AFDN: variants seen among roughly 807,000 people sequenced by gnomAD.
The protein encoded by AFDN is afadin.
In AFDN, 68 loss-of-function variants were observed where a neutral mutation model predicts 216.6. That is an observed-to-expected ratio of 0.31 (90% CI 0.26 to 0.38). The LOEUF is 0.38. Among genes scored for constraint, AFDN ranks in the 10% least tolerant of loss-of-function variants. The pLI is 1.00. For missense variants in AFDN, 2,136 were observed against 2,342.0 expected (o/e 0.91, Z 1.82); for synonymous variants, 868 against 853.7 (o/e 1.02, Z -0.29).
rs777732339 is a variant in AFDN, at chr6:167,902,307, A to T, written c.1581-10A>T. The T allele has an allele frequency of 6.2e-7, 1 of 1,604,770 alleles. No individual in the cohort carries two copies. Among genetic ancestry groups the T allele is most frequent in the Non-Finnish European group, 8.5e-7 (1 of 1,171,952 alleles). On this transcript the variant is annotated splice_polypyrimidine_tract_variant and intron_variant, in intron 11 of 33. Transcript: ENST00000683244. The stretch of plus-strand genomic sequence containing the variant: ...ATTAAGTCAGTGTGTTTCTTGTTTT[A>T]TCCCATCAGAATTGTTCAGGAGACA...
intron 30 of AFDN, among the ~76,000 whole-genome samples, chr6:167,960,441 A>C (rs1796926800): frequency 6.6e-6 from 1 of 152,264 alleles, no homozygotes; most frequent in Non-Finnish European, 1.5e-5. Context: ...TCTGTTTAAA[A>C]GAACTAATTG....
chr6:167,932,621 G>T (rs1390820841), intron 23 of AFDN: 1 of 152,232 alleles, frequency 6.6e-6, no homozygotes, highest in Non-Finnish European at 1.5e-5. Context: ...AGAATGTGGT[G>T]ATCCCGGTCT....
At chr6:167,858,509 T>A (rs1783157854) in intron 1 of AFDN, among the ~76,000 whole-genome samples, 1 of 152,234 alleles carries the variant, frequency 6.6e-6, no homozygotes, top group Non-Finnish European at 1.5e-5. Context: ...GCTTGGAAGA[T>A]GACCTTTTCC....
At chr6:167,949,849 A>G (rs983062440) in intron 29 of AFDN, among the ~76,000 whole-genome samples, 2 of 115,376 alleles carry the variant, frequency 1.7e-5, no homozygotes, top group South Asian at 3.7e-4. Context: ...ACTTGTTTCT[A>G]CCTCACATGG....
chr6:167,908,962 G>A (rs1399244969), intron 13 of AFDN, among the ~76,000 whole-genome samples: 2 of 152,040 alleles, frequency 1.3e-5, no homozygotes, highest in Non-Finnish European at 2.9e-5. Context: ...CCTTTTGAAT[G>A]GAGGGGACGA....
At chr6:167,852,529 C>T (rs895602933) in intron 1 of AFDN, among the ~76,000 whole-genome samples, 3 of 152,130 alleles carry the variant, frequency 2.0e-5, no homozygotes, top group Admixed American at 2.0e-4. Context: ...GTGGTGACAG[C>T]CCCTGTACTG....
At chr6:167,832,307 A>C (rs921789185) in intron 1 of AFDN, among the ~76,000 whole-genome samples, 1 of 152,086 alleles carries the variant, frequency 6.6e-6, no homozygotes, top group Non-Finnish European at 1.5e-5. Context: ...GTGTCTCTCT[A>C]TGTGGGAGTT....
intron 1 of AFDN, among the ~76,000 whole-genome samples, chr6:167,859,908 A>G (rs1562564936): frequency 6.6e-6 from 1 of 151,942 alleles, no homozygotes; most frequent in Non-Finnish European, 1.5e-5. Context: ...CTCAGGGAAA[A>G]GTGTGTATCA....
chr6:167,929,374 C>T (rs910425961), intron 23 of AFDN, among the ~76,000 whole-genome samples: 1 of 152,120 alleles, frequency 6.6e-6, no homozygotes, highest in Non-Finnish European at 1.5e-5. Flanking sequence ...GGCATAGTAA[C>T]AGCGTAGAAG....
chr6:167,852,798 G>A (rs918402932), intron 1 of AFDN, among the ~76,000 whole-genome samples: 2 of 152,018 alleles, frequency 1.3e-5, no homozygotes, highest in South Asian at 4.1e-4. Flanking sequence ...TGAGCTGGTG[G>A]ATTTTTATGT....
chr6:167,899,380 C>T (rs1788664137), intron 11 of AFDN, among the ~76,000 whole-genome samples: 1 of 152,178 alleles, frequency 6.6e-6, no homozygotes, highest in Non-Finnish European at 1.5e-5. Context: ...ATGTGCTTTT[C>T]CTCCCTGCTT....
chr6:167,838,493 A>G (rs1002656122), intron 1 of AFDN, among the ~76,000 whole-genome samples: 2 of 152,220 alleles, frequency 1.3e-5, no homozygotes, highest in African/African-American at 4.8e-5. Context: ...CCTTACTGCC[A>G]TCACTCAGTT....
rs1210241242 is a variant in AFDN, at chr6:167,870,450, G to C, written c.366G>C (p.Arg122=). The stretch of plus-strand genomic sequence containing the variant: ...AACTGAATTGGAACAAAGATGATCG[G>C]GAAGGCAGATTTGTTCTTAAGAATG... ...VVQLNWNKDD[R]EGRFVLKNEN... The change falls in exon 3 of 34, where the codon CGG becomes CGC. Residue 122 remains arginine, a synonymous_variant. Coordinates refer to ENST00000683244, the MANE Select transcript of AFDN (RefSeq NM_001386888.1). 1.2e-6 allele frequency: 2 copies of C among 1,612,204 alleles called. No homozygotes were observed. The highest frequency in any genetic ancestry group is 2.2e-5 in the South Asian group (2 of 90,590).
chr6:167,963,833 G>T (rs141873797), intron 31 of AFDN: 1 of 1,063,436 alleles, frequency 9.4e-7, no homozygotes, highest in Non-Finnish European at 1.1e-6. Flanking sequence ...ATGCTGAGCC[G>T]CTTGATGTCT....
intron 1 of AFDN, among the ~76,000 whole-genome samples, chr6:167,835,932 A>G (rs764402729): frequency 6.6e-6 from 1 of 152,238 alleles, no homozygotes; most frequent in Non-Finnish European, 1.5e-5. Context: ...GTGGTTTTCC[A>G]AGTAAGGCTA....
intron 1 of AFDN, among the ~76,000 whole-genome samples, chr6:167,846,254 T>C (rs1442126895): frequency 2.6e-5 from 4 of 152,074 alleles, no homozygotes; most frequent in African/African-American, 9.7e-5. Flanking sequence ...TCTCTGTGAC[T>C]GGACTGCGTG....
rs1783614133 is a variant in AFDN at position 167,861,882 on chromosome 6, A to G, written c.106-2669A>G. Among the ~76,000 whole-genome samples, 3 of 152,334 alleles carry G rather than the reference A, an allele frequency of 2.0e-5. No homozygotes were observed. In the South Asian group the frequency reaches 6.2e-4, roughly 32 times the overall value. The stretch of plus-strand genomic sequence containing the variant: ...TTCTGATCACAACTAATGTAAAACT[A>G]TTTTGTTAGCAAAATGATTGAGTAC... On this transcript the variant is annotated intron_variant, in intron 1 of 33. Coordinates refer to ENST00000683244, the MANE Select transcript of AFDN (RefSeq NM_001386888.1).
intron 4 of AFDN, among the ~76,000 whole-genome samples, chr6:167,874,518 T>G (rs1385948064): frequency 6.6e-6 from 1 of 152,134 alleles, no homozygotes; most frequent in Non-Finnish European, 1.5e-5. Context: ...TTTTGAAAAT[T>G]TAACTTCAAG....
chr6:167,958,767 T>C (rs1796763821), intron 30 of AFDN, among the ~76,000 whole-genome samples: 1 of 152,244 alleles, frequency 6.6e-6, no homozygotes, highest in Admixed American at 6.5e-5. Context: ...ATCCCAGGTA[T>C]AGAAGGGGTT....
Sources: allele counts gnomAD v4.1 joint callset (sites outside exome capture counted in the v4.1 genomes callset), GRCh38; gene constraint gnomAD v4.1.1; transcripts MANE v1.5; gene names NCBI Gene and HGNC (gene_info 2026-07-23, HGNC 2026-07-21).